ATRNL1: variants seen among roughly 807,000 people sequenced by gnomAD.
ATRNL1 encodes attractin like 1.
In ATRNL1, 95 loss-of-function variants were observed where a neutral mutation model predicts 182.7. That is an observed-to-expected ratio of 0.52 (90% confidence interval 0.44 to 0.62). The LOEUF is 0.62. Ranked by LOEUF, ATRNL1 falls within the 20% of genes least tolerant of loss-of-function variation. The pLI, the probability that ATRNL1 is intolerant of heterozygous loss-of-function variation, is 0.00. For synonymous variants in ATRNL1, 576 were observed against 568.3 expected (o/e 1.01, Z -0.19); for missense variants, 1,471 against 1,679.5 (o/e 0.88, Z 2.17).
At chr10:115,358,723 A>C (rs781947988) in intron 19 of ATRNL1, among the ~76,000 whole-genome samples, 27 of 151,708 alleles carry the variant, frequency 1.8e-4, no homozygotes, top group Non-Finnish European at 1.3e-4. Flanking sequence ...TAGAATGAGA[A>C]TTGAAACCTT....
intron 26 of ATRNL1, among the ~76,000 whole-genome samples, chr10:115,634,004 G>A (rs1272826815): frequency 6.6e-6 from 1 of 151,856 alleles, no homozygotes; most frequent in African/African-American, 2.4e-5. Context: ...GGGAAAAGAG[G>A]GTTCTTGGGT....
At chr10:115,262,796 A>G (rs192984458) in intron 10 of ATRNL1, among the ~76,000 whole-genome samples, 15 of 152,148 alleles carry the variant, frequency 9.9e-5, no homozygotes, top group Non-Finnish European at 1.5e-4. Flanking sequence ...TTGACTCACC[A>G]GTAACTGGAA....
In ATRNL1 at chr10:115,127,654, G is replaced by T. The variant is rs782217624; in HGVS notation, c.553G>T (p.Gly185Cys). 1 of 1,592,242 alleles carries T rather than the reference G, an allele frequency of 6.3e-7. No individual in the cohort carries two copies. Among genetic ancestry groups the T allele is most frequent in the Non-Finnish European group, 8.5e-7 (1 of 1,171,896 alleles). ...TGTGCCTGAAGTTGTTACTACATCT[G>T]GCTATGCACTGTTACATTTTTTTAG... ...ETVPEVVTTS[G>C]YALLHFFSDA... Residue 185 changes from glycine to cysteine, a missense_variant, in exon 4 of 29, where the codon GGC becomes TGC. This residue lies in a region of ATRNL1 where 1,031 missense variants were observed against 1,156.0 expected (regional missense o/e 0.89). Transcript: ENST00000355044.
intron 17 of ATRNL1, among the ~76,000 whole-genome samples, chr10:115,308,128 A>G (rs1439045146): frequency 2.6e-5 from 4 of 152,174 alleles, no homozygotes; most frequent in Non-Finnish European, 2.9e-5. Flanking sequence ...GGATTTTGCA[A>G]TATTCTCCAG....
intron 8 of ATRNL1, among the ~76,000 whole-genome samples, chr10:115,201,882 C>G (rs1554892492): frequency 6.6e-6 from 1 of 152,108 alleles, no homozygotes; most frequent in Non-Finnish European, 1.5e-5. Flanking sequence ...ATTCTTCCAT[C>G]TGTTTGTATC....
intron 10 of ATRNL1, among the ~76,000 whole-genome samples, chr10:115,259,561 C>G (rs2133866172): frequency 6.6e-6 from 1 of 152,330 alleles, no homozygotes; most frequent in African/African-American, 2.4e-5. Flanking sequence ...CCCCCAACCC[C>G]TTGTGCTTCC....
At chr10:115,114,085 C>G (rs1844375616) in intron 1 of ATRNL1, among the ~76,000 whole-genome samples, 1 of 151,902 alleles carries the variant, frequency 6.6e-6, no homozygotes, top group African/African-American at 2.4e-5. Flanking sequence ...GATAGAGAGC[C>G]CAGAAATAAA....
At chr10:115,773,934 T>G (rs782436202) in intron 27 of ATRNL1, among the ~76,000 whole-genome samples, 10 of 152,146 alleles carry the variant, frequency 6.6e-5, no homozygotes, top group Non-Finnish European at 1.3e-4. Context: ...AGTATAGGAT[T>G]TATGAGGTTA....
chr10:115,316,274 C>T (rs1293044319), intron 18 of ATRNL1, among the ~76,000 whole-genome samples: 3 of 152,166 alleles, frequency 2.0e-5, no homozygotes, highest in African/African-American at 7.2e-5. Flanking sequence ...CATGTCCCTG[C>T]AAAGGACATG....
At chr10:115,261,398 A>G (rs116667037) in intron 10 of ATRNL1, among the ~76,000 whole-genome samples, 1,733 of 152,324 alleles carry the variant, frequency 0.011, 29 homozygotes, top group African/African-American at 0.039. Flanking sequence ...AATGGAATAT[A>G]TAACAGGGGA....
rs1162576615 is a variant in ATRNL1 at position 115,871,469 on chromosome 10, T to TTA, written c.4018+23479_4018+23480insAT. 9.6e-4 allele frequency among the ~76,000 whole-genome samples: 134 copies of TTA among 140,312 alleles called. 2 individuals are homozygous for TTA. Among genetic ancestry groups the TTA allele is most frequent in the South Asian group, 3.2e-3 (14 of 4,418 alleles). The allele number at this position is 140,312 out of a possible 152,430, so 92.1% of individuals were successfully genotyped here. The stretch of plus-strand genomic sequence containing the variant: ...TCCTAGAAAGGCCTGGTCAGATTCT[T>TTA]TGTGTGTGTGTATATATATATATAT... On this transcript the variant is annotated intron_variant, in intron 28 of 28. Transcript: ENST00000355044.
At chr10:115,864,720 C>T (rs1951395727) in intron 28 of ATRNL1, among the ~76,000 whole-genome samples, 1 of 152,146 alleles carries the variant, frequency 6.6e-6, no homozygotes, top group Admixed American at 6.5e-5. Context: ...CGGTGGCTCA[C>T]GCCTGTAATC....
At chr10:115,152,223 T>C (rs1476461829) in intron 5 of ATRNL1, among the ~76,000 whole-genome samples, 3 of 152,202 alleles carry the variant, frequency 2.0e-5, no homozygotes, top group Admixed American at 2.0e-4. Context: ...ATATGAACTT[T>C]AAAGTAGTTT....
intron 14 of ATRNL1, among the ~76,000 whole-genome samples, chr10:115,281,909 A>G (rs1437915611): frequency 6.7e-6 from 1 of 148,472 alleles, no homozygotes; most frequent in Non-Finnish European, 1.5e-5. Context: ...ACAATAATAT[A>G]GAACATATTA....
chr10:115,915,778 T>G (rs1952831365), intron 28 of ATRNL1, among the ~76,000 whole-genome samples: 1 of 152,188 alleles, frequency 6.6e-6, no homozygotes, highest in African/African-American at 2.4e-5. Flanking sequence ...TGCGTTAATG[T>G]CTAAGAATAT....
chr10:115,125,541 G>A (rs1247829642), intron 3 of ATRNL1, among the ~76,000 whole-genome samples: 1 of 151,220 alleles, frequency 6.6e-6, no homozygotes, highest in Non-Finnish European at 1.5e-5. Flanking sequence ...TGTGTTGGAC[G>A]TTGTTGTTTG....
At chr10:115,188,950 G>T (rs2144219456) in intron 8 of ATRNL1, among the ~76,000 whole-genome samples, 1 of 152,226 alleles carries the variant, frequency 6.6e-6, no homozygotes, top group African/African-American at 2.4e-5. Context: ...GGCATTTGTG[G>T]TAGAGTTTCA....
chr10:115,569,309 A>G (rs1274198925), intron 26 of ATRNL1, among the ~76,000 whole-genome samples: 1 of 151,962 alleles, frequency 6.6e-6, no homozygotes, highest in Non-Finnish European at 1.5e-5. Context: ...TTTCTTTTTC[A>G]TTGTTATGAA....
chr10:115,825,457 G>C (rs1950409009), intron 27 of ATRNL1, among the ~76,000 whole-genome samples: 1 of 152,016 alleles, frequency 6.6e-6, no homozygotes, highest in African/African-American at 2.4e-5. Flanking sequence ...AGCGTATATA[G>C]ACTTTCTATA....
Sources: allele counts gnomAD v4.1 joint callset (sites outside exome capture counted in the v4.1 genomes callset), GRCh38; gene constraint gnomAD v4.1.1; regional missense constraint gnomAD v4.1.1; transcripts MANE v1.5; gene names NCBI Gene and HGNC (gene_info 2026-07-23, HGNC 2026-07-21).